PDZRN3: variants seen among roughly 807,000 people sequenced by gnomAD.
The protein encoded by PDZRN3 is E3 ubiquitin-protein ligase PDZRN3.
PDZRN3 carries 38 observed loss-of-function variants against 85.7 expected under a neutral mutation model. The observed-to-expected ratio is 0.44, with a 90% CI of 0.34 to 0.58. The LOEUF (loss-of-function observed/expected upper bound fraction) is 0.58. PDZRN3 is among the 20% of genes least tolerant of loss of function. The pLI is 0.01. For synonymous variants in PDZRN3, 759 were observed against 638.0 expected (o/e 1.19, Z -2.86); for missense variants, 1,629 against 1,506.4 (o/e 1.08, Z -1.35).
At position 73,385,744 on chromosome 3, in the gene PDZRN3, C is replaced by A. The variant is rs1239997694; in HGVS notation, c.1560G>T (p.Leu520=). ...GWMDDDRNDF[L]DDLHMDMLEE... Reference sequence around the variant, plus strand: ...CCAGCATGTCCATGTGCAGGTCATCCAGAAAGTCGTTCCTGTCATCATCCA... The same window carrying A: ...CCAGCATGTCCATGTGCAGGTCATCAAGAAAGTCGTTCCTGTCATCATCCA... Residue 520 remains leucine, a synonymous_variant, in exon 9 of 10, where the codon CTG becomes CTT. Coordinates refer to ENST00000263666, the MANE Select transcript of PDZRN3 (RefSeq NM_015009.3). 1 of 1,613,950 alleles carries A rather than the reference C, an allele frequency of 6.2e-7. No individual in the cohort carries two copies. Among genetic ancestry groups the A allele is most frequent in the Non-Finnish European group, 8.5e-7 (1 of 1,179,820 alleles).
chr3:73,410,996 T>A (rs1289707937), intron 3 of PDZRN3, among the ~76,000 whole-genome samples: 2 of 152,260 alleles, frequency 1.3e-5, no homozygotes, highest in East Asian at 3.8e-4. Flanking sequence ...ACAAGCTGTT[T>A]CTACAGCCAA....
chr3:73,384,669 C>G lies in PDZRN3; in HGVS notation c.1897G>C (p.Ala633Pro). Residue 633 changes from alanine (A) to proline (P), a missense_variant, in exon 10 of 10, where the codon GCC becomes CCC. Transcript: ENST00000263666. ...TCCACCGGGATCCCCAGGTAGTCGG[C>G]GTCCGTGCAGTCGGCCGAAATGAAA... Reference protein sequence around the residue: ...ESFISADCTDADYLGIPVDEC... With the variant: ...ESFISADCTDPDYLGIPVDEC... The G allele has an allele frequency of 6.2e-7, 1 of 1,613,992 alleles. No individual in the cohort carries two copies. Among genetic ancestry groups the G allele is most frequent in the Middle Eastern group, 1.6e-4 (1 of 6,062 alleles).
chr3:73,544,812 G>A (rs186720845), intron 3 of PDZRN3, among the ~76,000 whole-genome samples: 1 of 152,052 alleles, frequency 6.6e-6, no homozygotes, highest in African/African-American at 2.4e-5. Flanking sequence ...GTTAATCACA[G>A]CATTTTCTGA....
At chr3:73,585,335 T>C (rs917173617) in intron 3 of PDZRN3, among the ~76,000 whole-genome samples, 3 of 152,232 alleles carry the variant, frequency 2.0e-5, no homozygotes, top group Non-Finnish European at 4.4e-5. Context: ...TATTCCTCTA[T>C]TTTCAGCTTG....
At chr3:73,559,592 T>C (rs973581769) in intron 3 of PDZRN3, among the ~76,000 whole-genome samples, 2 of 152,246 alleles carry the variant, frequency 1.3e-5, no homozygotes, top group South Asian at 4.1e-4. Context: ...GATTTGAAGA[T>C]GTTGTTTTTC....
At chr3:73,548,858 G>C (rs865999434) in intron 3 of PDZRN3, among the ~76,000 whole-genome samples, 1 of 152,114 alleles carries the variant, frequency 6.6e-6, no homozygotes, top group African/African-American at 2.4e-5. Context: ...GAAGACATAA[G>C]GAAAAATGGA....
intron 8 of PDZRN3, among the ~76,000 whole-genome samples, chr3:73,387,709 C>CTGTT (rs1489399874): frequency 6.6e-6 from 1 of 152,142 alleles, no homozygotes; most frequent in Non-Finnish European, 1.5e-5. Context: ...CCATTCAATT[C>CTGTT]TGTTTCCTTT....
intron 1 of PDZRN3, among the ~76,000 whole-genome samples, chr3:73,620,811 C>T (rs1047097687): frequency 3.3e-5 from 5 of 152,006 alleles, no homozygotes; most frequent in African/African-American, 9.7e-5. Flanking sequence ...CTCCTGATCT[C>T]GTGATCCGCC....
rs2106667788 is a variant in PDZRN3 at position 73,384,483 on chromosome 3, T to G, written c.2083A>C (p.Ile695Leu). ...ACGATGCTCAGGCACTCCAGCTCGA[T>G]GCTGCGCAGCTCTTCGTTCAGCAGC... Reference protein sequence around the residue: ...LELLNEELRSIELECLSIVRA... With the variant: ...LELLNEELRSLELECLSIVRA... The change falls in exon 10 of 10, where the codon ATC becomes CTC. Residue 695 changes from isoleucine to leucine, a missense_variant. Physicochemically the swap from Ile to Leu is conservative, Grantham distance 5. Coordinates refer to ENST00000263666, the MANE Select transcript of PDZRN3 (RefSeq NM_015009.3). The G allele has an allele frequency of 3.1e-6, 5 of 1,613,536 alleles. No homozygotes were observed. The East Asian group carries it at 1.1e-4, about 36-fold the overall frequency.
intron 3 of PDZRN3, among the ~76,000 whole-genome samples, chr3:73,526,689 T>C (rs1191426952): frequency 6.6e-6 from 1 of 152,066 alleles, no homozygotes; most frequent in Non-Finnish European, 1.5e-5. Flanking sequence ...GTTGTTGCTG[T>C]TGTTGTTATT....
chr3:73,393,891 A>G (rs1452895196), intron 5 of PDZRN3, among the ~76,000 whole-genome samples: 2 of 152,206 alleles, frequency 1.3e-5, no homozygotes, highest in African/African-American at 4.8e-5. Flanking sequence ...ACCTAACCTG[A>G]AAAGCATTTC....
chr3:73,504,135 A>C (rs1704031083), intron 3 of PDZRN3, among the ~76,000 whole-genome samples: 1 of 152,170 alleles, frequency 6.6e-6, no homozygotes, highest in African/African-American at 2.4e-5. Flanking sequence ...GTACTTTATT[A>C]TTCTCTCCAG....
intron 3 of PDZRN3, among the ~76,000 whole-genome samples, chr3:73,487,188 A>G (rs749071267): frequency 5.9e-5 from 9 of 152,170 alleles, no homozygotes; most frequent in Non-Finnish European, 1.3e-4. Flanking sequence ...CTAAATTTAT[A>G]GGTATTTCCT....
intron 3 of PDZRN3, among the ~76,000 whole-genome samples, chr3:73,577,931 G>A (rs188194644): frequency 1.3e-5 from 2 of 152,216 alleles, no homozygotes; most frequent in South Asian, 2.1e-4. Flanking sequence ...TACTGTCCAT[G>A]GTTGCTTTCC....
intron 3 of PDZRN3, among the ~76,000 whole-genome samples, chr3:73,598,592 T>G (rs1268955272): frequency 6.6e-6 from 1 of 152,126 alleles, no homozygotes; most frequent in African/African-American, 2.4e-5. Context: ...CCAGGGCAGA[T>G]GGACACACAG....
intron 3 of PDZRN3, among the ~76,000 whole-genome samples, chr3:73,555,719 G>A (rs895898817): frequency 2.6e-5 from 4 of 152,284 alleles, no homozygotes; most frequent in South Asian, 2.1e-4. Flanking sequence ...GGAAAAGATC[G>A]AAGTTCAGGA....
At position 73,425,293 on chromosome 3, in the gene PDZRN3, C is replaced by G. The variant is rs183834188; in HGVS notation, c.919-20898G>C. On this transcript the variant is annotated intron_variant, in intron 3 of 9. Coordinates refer to ENST00000263666, the MANE Select transcript of PDZRN3 (RefSeq NM_015009.3). Reference sequence around the variant, plus strand: ...TCAGCCTCCCAAAGTGCTGGGATTACAGGCGTGAGCCACCGCGCCCAGCCA... The same window carrying G: ...TCAGCCTCCCAAAGTGCTGGGATTAGAGGCGTGAGCCACCGCGCCCAGCCA... Among the ~76,000 whole-genome samples, 578 of 152,216 alleles carry G rather than the reference C, an allele frequency of 3.8e-3. 6 individuals carry two copies. Among genetic ancestry groups the G allele is most frequent in the Non-Finnish European group, 5.7e-3 (389 of 68,012 alleles).
chr3:73,437,981 G>T (rs1158921589), intron 3 of PDZRN3, among the ~76,000 whole-genome samples: 1 of 152,126 alleles, frequency 6.6e-6, no homozygotes, highest in East Asian at 1.9e-4. Flanking sequence ...CAGTAAAAAT[G>T]AAAAAACTAC....
At chr3:73,492,613 C>T (rs890685887) in intron 3 of PDZRN3, among the ~76,000 whole-genome samples, 4 of 152,200 alleles carry the variant, frequency 2.6e-5, no homozygotes, top group Admixed American at 2.6e-4. Flanking sequence ...AAGGCACATT[C>T]AGCAGAGAAG....
Sources: allele counts gnomAD v4.1 joint callset (sites outside exome capture counted in the v4.1 genomes callset), GRCh38; gene constraint gnomAD v4.1.1; transcripts MANE v1.5; gene names NCBI Gene and HGNC (gene_info 2026-07-23, HGNC 2026-07-21).